Variants in EDA observed in about 807,000 individuals in gnomAD.
The protein encoded by EDA is ectodysplasin A, also known as ectodysplasin-A.
In EDA, 2 loss-of-function variants were observed where a neutral mutation model predicts 23.6. The observed-to-expected ratio is 0.08, with a 90% confidence interval of 0.03 to 0.27. EDA has a LOEUF of 0.27. Ranked by LOEUF, EDA falls within the 10% of genes least tolerant of loss-of-function variation. The pLI, the probability that EDA is intolerant of heterozygous loss-of-function variation, is 1.00. For synonymous variants in EDA, 131 were observed against 132.0 expected, an observed-to-expected ratio of 0.99 and a Z score of 0.05; for missense variants, 229 against 324.2, an observed-to-expected ratio of 0.71 and a Z score of 2.26.
chrX:69,969,678 T>G (rs995776339), intron 2 of EDA, among the ~76,000 whole-genome samples: 2 of 112,326 alleles, frequency 1.8e-5, no homozygotes, highest in African/African-American at 6.5e-5. Context: ...CAGAGTCATT[T>G]CAGCATTTTG....
chrX:69,838,631 A>T (rs938610694), intron 1 of EDA, among the ~76,000 whole-genome samples: 2 of 112,664 alleles, frequency 1.8e-5, no homozygotes, highest in Non-Finnish European at 3.7e-5. Context: ...CGTCTCAAAA[A>T]AAATAAATAA....
chrX:69,723,262 C>T (rs974988699), intron 1 of EDA, among the ~76,000 whole-genome samples: 1 of 111,841 alleles, frequency 8.9e-6, no homozygotes, highest in Admixed American at 9.5e-5. Context: ...TCTGGTTAAC[C>T]ATCCATAAAT....
At chrX:69,685,023 T>C (rs1393258439) in intron 1 of EDA, among the ~76,000 whole-genome samples, 2 of 112,031 alleles carry the variant, frequency 1.8e-5, no homozygotes, top group Non-Finnish European at 3.8e-5. Context: ...TTTGTTTTGT[T>C]TTATTTCATT....
intron 1 of EDA, among the ~76,000 whole-genome samples, chrX:69,648,944 G>A (rs1021309949): frequency 1.8e-5 from 2 of 111,543 alleles, no homozygotes; most frequent in Admixed American, 9.5e-5. Context: ...TGGGAGAAAC[G>A]TGGTTTCCTG....
intron 1 of EDA, among the ~76,000 whole-genome samples, chrX:69,859,605 G>A (rs1352703002): frequency 2.7e-5 from 3 of 109,316 alleles, no homozygotes; most frequent in Admixed American, 9.9e-5. Context: ...TTATGATTTC[G>A]GTTCTTTGGC....
chrX:69,783,088 A>C (rs1267566514), intron 1 of EDA, among the ~76,000 whole-genome samples: 1 of 111,752 alleles, frequency 8.9e-6, no homozygotes, highest in Admixed American at 9.5e-5. Flanking sequence ...AAAAGGAATT[A>C]ACATCAGTAT....
At chrX:70,015,249 A>G (rs2019930450) in intron 2 of EDA, among the ~76,000 whole-genome samples, 2 of 111,773 alleles carry the variant, frequency 1.8e-5, no homozygotes, top group Admixed American at 1.9e-4. Flanking sequence ...GCCAAAAGAG[A>G]TTGGGAGCCT....
intron 1 of EDA, among the ~76,000 whole-genome samples, chrX:69,851,202 T>C (rs2017124462): frequency 9.0e-6 from 1 of 110,644 alleles, no homozygotes; most frequent in African/African-American, 3.3e-5. Context: ...TGTATAACTT[T>C]TGTAAATTTT....
intron 6 of EDA, among the ~76,000 whole-genome samples, chrX:70,033,187 G>A (rs997775622): frequency 4.4e-5 from 5 of 112,969 alleles, no homozygotes; most frequent in Middle Eastern, 4.6e-3. Flanking sequence ...AGACAGACAG[G>A]CAGAGCCCAG....
chrX:69,760,464 T>A (rs2014276620), intron 1 of EDA, among the ~76,000 whole-genome samples: 1 of 111,815 alleles, frequency 8.9e-6, no homozygotes, highest in African/African-American at 3.2e-5. Context: ...ATACTTCACA[T>A]AAGTGAAGAT....
At chrX:69,965,876 A>G (rs1416366420) in intron 2 of EDA, among the ~76,000 whole-genome samples, 1 of 111,579 alleles carries the variant, frequency 9.0e-6, no homozygotes, top group East Asian at 2.8e-4. Context: ...GTGAGACTGC[A>G]TCTCTACAAA....
In EDA at chrX:70,035,716, C is replaced by T. The variant is rs1481034164; in HGVS notation, c.*107C>T. 3 of 991,816 alleles carry T rather than the reference C, an allele frequency of 3.0e-6. No individual in the cohort carries two copies. Among genetic ancestry groups the T allele is most frequent in the South Asian group, 2.1e-5 (1 of 48,200 alleles). The allele number at this position is 991,816 out of a possible 1,213,427, so 81.7% of individuals were successfully genotyped here. A position where few individuals can be genotyped will look rare whatever the true frequency, so the allele number is the denominator to read the frequency against. ...GAGTGAGGTGTATTGGTGTTGCAGC[C>T]GCAGAGAAATGCCCCAGTGTTATTT... On this transcript the variant is annotated 3_prime_UTR_variant, in exon 8 of 8. Coordinates refer to ENST00000374552, the MANE Select transcript of EDA (RefSeq NM_001399.5).
At chrX:69,930,894 G>A (rs1386643611) in intron 1 of EDA, among the ~76,000 whole-genome samples, 1 of 110,862 alleles carries the variant, frequency 9.0e-6, no homozygotes, top group Non-Finnish European at 1.9e-5. Context: ...ATCAGAAATT[G>A]AAAATTTTAA....
intron 1 of EDA, among the ~76,000 whole-genome samples, chrX:69,879,554 T>C (rs1035276051): frequency 1.8e-5 from 2 of 112,103 alleles, no homozygotes; most frequent in South Asian, 7.6e-4. Context: ...CTAATGCTGA[T>C]GCTGCCATTA....
At chrX:69,620,424 T>C (rs1465697379) in intron 1 of EDA, 3 of 116,018 alleles carry the variant, frequency 2.6e-5, no homozygotes, top group African/African-American at 9.7e-5. Context: ...AGATAGACCA[T>C]TAGTGTATCC....
At chrX:69,684,780 C>T (rs1411808781) in intron 1 of EDA, among the ~76,000 whole-genome samples, 2 of 112,290 alleles carry the variant, frequency 1.8e-5, no homozygotes, top group South Asian at 3.7e-4. Context: ...ATGCTGTATG[C>T]TCAATCATGT....
chrX:69,896,868 A>G (rs1056651813), intron 1 of EDA, among the ~76,000 whole-genome samples: 1 of 111,689 alleles, frequency 9.0e-6, no homozygotes, highest in Non-Finnish European at 1.9e-5. Context: ...TTTTAAAACT[A>G]TATTTACCTT....
intron 3 of EDA, among the ~76,000 whole-genome samples, 194 bp downstream of exon 3, chrX:70,023,435 T>C (rs1476075138): frequency 9.4e-6 from 1 of 106,395 alleles, no homozygotes; most frequent in Non-Finnish European, 1.9e-5. Flanking sequence ...ATGATTCACC[T>C]CTTTCATTCT....
intron 2 of EDA, among the ~76,000 whole-genome samples, chrX:69,989,342 T>C (rs2019550692): frequency 8.9e-6 from 1 of 111,874 alleles, no homozygotes; most frequent in Admixed American, 9.5e-5. Context: ...CCCACTTTGT[T>C]GCCAGGGTCA....
Sources: allele counts gnomAD v4.1 joint callset (sites outside exome capture counted in the v4.1 genomes callset), GRCh38; gene constraint gnomAD v4.1.1; transcripts MANE v1.5; gene names NCBI Gene and HGNC (gene_info 2026-07-23, HGNC 2026-07-21).